Variants in HHAT observed in about 807,000 individuals in gnomAD.
The protein encoded by HHAT is protein-cysteine N-palmitoyltransferase HHAT.
HHAT carries 47 observed loss-of-function variants against 70.8 expected under a neutral mutation model. That is an observed-to-expected ratio of 0.66 (90% CI 0.53 to 0.85). The LOEUF is 0.85. Ranked by LOEUF, HHAT falls within the 40% of genes least tolerant of loss-of-function variation. HHAT has a pLI of 0.00. For synonymous variants in HHAT, 228 were observed against 247.6 expected, an observed-to-expected ratio of 0.92 and a Z score of 0.74; for missense variants, 609 against 604.8, an observed-to-expected ratio of 1.01 and a Z score of -0.07.
intron 3 of HHAT, among the ~76,000 whole-genome samples, chr1:210,380,569 A>T (rs1329103149): frequency 3.3e-5 from 5 of 152,134 alleles, no homozygotes; most frequent in African/African-American, 1.2e-4. Flanking sequence ...ATAAAATTTT[A>T]AAAAGCACAA....
intron 8 of HHAT, among the ~76,000 whole-genome samples, chr1:210,485,641 G>GT (rs1055240972): frequency 1.5e-4 from 23 of 152,278 alleles, no homozygotes; most frequent in African/African-American, 5.5e-4. Flanking sequence ...CACAATCATG[G>GT]TGGAAGGTAA....
intron 9 of HHAT, among the ~76,000 whole-genome samples, chr1:210,567,243 T>C (rs1037882012): frequency 6.6e-6 from 1 of 152,236 alleles, no homozygotes; most frequent in African/African-American, 2.4e-5. Flanking sequence ...GCTTTCTTAC[T>C]CTTAGACATT....
intron 8 of HHAT, among the ~76,000 whole-genome samples, chr1:210,476,444 C>T (rs943308565): frequency 3.9e-5 from 6 of 152,206 alleles, no homozygotes; most frequent in Non-Finnish European, 8.8e-5. Flanking sequence ...TATTCTTTAG[C>T]ATGGTGTATA....
At chr1:210,519,527 CTTTT>C (rs35244381) in intron 9 of HHAT, among the ~76,000 whole-genome samples, 1 of 127,462 alleles carries the variant, frequency 7.8e-6, no homozygotes, top group Non-Finnish European at 1.6e-5. Context: ...ATTTTCTTTG[CTTTT>C]TTTTTTTTTT....
At chr1:210,560,357 C>A (rs545031159) in intron 9 of HHAT, among the ~76,000 whole-genome samples, 1 of 152,092 alleles carries the variant, frequency 6.6e-6, no homozygotes, top group African/African-American at 2.4e-5. Flanking sequence ...TCTCACCTCT[C>A]TCATGCTTTG....
At chr1:210,604,619 A>C (rs1412833982) in intron 10 of HHAT, among the ~76,000 whole-genome samples, 1 of 152,128 alleles carries the variant, frequency 6.6e-6, no homozygotes, top group Admixed American at 6.6e-5. Context: ...TGCTACAGTA[A>C]ATGTATACTG....
chr1:210,460,913 G>A (rs1248527786), intron 7 of HHAT, among the ~76,000 whole-genome samples: 1 of 152,166 alleles, frequency 6.6e-6, no homozygotes, highest in African/African-American at 2.4e-5. Context: ...CTCTGCACAT[G>A]CTTGTTGAAT....
intron 9 of HHAT, among the ~76,000 whole-genome samples, chr1:210,533,602 G>A (rs1304945012): frequency 6.6e-6 from 1 of 152,166 alleles, no homozygotes; most frequent in African/African-American, 2.4e-5. Context: ...TATCCTTGAT[G>A]CATCTTGCTG....
At chr1:210,585,280 T>C (rs1006129092) in intron 9 of HHAT, among the ~76,000 whole-genome samples, 2 of 152,108 alleles carry the variant, frequency 1.3e-5, no homozygotes, top group African/African-American at 4.8e-5. Context: ...TAATTTATTA[T>C]CTAAACTGGA....
At chr1:210,452,556 G>A (rs1310043141) in intron 7 of HHAT, among the ~76,000 whole-genome samples, 7 of 152,144 alleles carry the variant, frequency 4.6e-5, no homozygotes, top group Non-Finnish European at 1.0e-4. Flanking sequence ...GAATATTTCG[G>A]TAGTATCTCT....
intron 7 of HHAT, among the ~76,000 whole-genome samples, chr1:210,433,978 T>C (rs899663706): frequency 1.6e-4 from 25 of 151,904 alleles, no homozygotes; most frequent in Admixed American, 1.6e-3. Context: ...ATTAGACATA[T>C]CTTACTGGAA....
At chr1:210,545,889 T>G (rs1553265590) in intron 9 of HHAT, among the ~76,000 whole-genome samples, 6 of 152,224 alleles carry the variant, frequency 3.9e-5, no homozygotes, top group Non-Finnish European at 8.8e-5. Context: ...TGTTGGACTG[T>G]AAGCTCCATT....
intron 9 of HHAT, among the ~76,000 whole-genome samples, chr1:210,519,548 G>A (rs1405711912): frequency 1.9e-5 from 2 of 103,746 alleles, no homozygotes; most frequent in Non-Finnish European, 4.3e-5. Flanking sequence ...TTTTTTTTGA[G>A]GCAGGGTCTC....
intron 11 of HHAT, among the ~76,000 whole-genome samples, chr1:210,660,148 T>C (rs1456030882): frequency 3.3e-5 from 5 of 152,206 alleles, no homozygotes; most frequent in African/African-American, 1.2e-4. Flanking sequence ...GAAGACATGA[T>C]TGTATATTTA....
At position 210,353,432 on chromosome 1, in the gene HHAT, CTGTTT is replaced by C. The variant is rs1313140661; in HGVS notation, c.91+4368_91+4372del. ...AATCCCGGTGATAGAAGGAAGTCAC[CTGTTT>C]TTTTTTTTTTTTTTTTTAAAAAAAA... On this transcript the variant is annotated intron_variant, in intron 2 of 11. Coordinates refer to ENST00000261458, the MANE Select transcript of HHAT (RefSeq NM_018194.6). Among the ~76,000 whole-genome samples the C allele has an allele frequency of 2.4e-4, 22 of 90,628 alleles. No homozygotes were observed. In the East Asian group the frequency reaches 5.6e-3, roughly 23 times the overall value. 59.5% of individuals were successfully genotyped at this position (90,628 alleles called of 152,430 possible).
At chr1:210,331,911 TG>T (rs1293527553) in intron 1 of HHAT, among the ~76,000 whole-genome samples, 1 of 152,206 alleles carries the variant, frequency 6.6e-6, no homozygotes, top group Non-Finnish European at 1.5e-5. Context: ...AAGAAATCTC[TG>T]GAGTGGCCCT....
intron 7 of HHAT, among the ~76,000 whole-genome samples, chr1:210,445,604 C>A (rs1031577073): frequency 6.6e-6 from 1 of 152,112 alleles, no homozygotes; most frequent in African/African-American, 2.4e-5. Flanking sequence ...GGATGATTTC[C>A]TCAGGGTAAT....
At chr1:210,389,853 G>A (rs370668259) in intron 4 of HHAT, among the ~76,000 whole-genome samples, 4 of 152,294 alleles carry the variant, frequency 2.6e-5, no homozygotes, top group African/African-American at 9.6e-5. Context: ...GCCTCTTAAA[G>A]GCTGTACCTC....
chr1:210,536,199 G>C (rs1407422563), intron 9 of HHAT, among the ~76,000 whole-genome samples: 1 of 152,214 alleles, frequency 6.6e-6, no homozygotes, highest in Non-Finnish European at 1.5e-5. Flanking sequence ...TAGCCTATGT[G>C]AAAGTTCTGG....
Sources: gnomAD v4.1 joint callset for allele counts (sites outside exome capture counted in the v4.1 genomes callset) on GRCh38, gnomAD v4.1.1 for gene constraint, MANE v1.5 for transcripts, NCBI Gene and HGNC (gene_info 2026-07-23, HGNC 2026-07-21) for gene names.